GLI2: variants seen among roughly 807,000 people sequenced by gnomAD.
GLI2 encodes transcription activator GLI2.
A neutral mutation model predicts 78.9 loss-of-function variants in GLI2; 22 were observed. The ratio of observed to expected loss-of-function variants is 0.28; its 90% CI spans 0.20 to 0.40. The LOEUF (loss-of-function observed/expected upper bound fraction) is 0.40, where lower values mean the gene tolerates loss of function less well. Ranked by LOEUF, GLI2 falls within the 10% of genes least tolerant of loss-of-function variation. The pLI is 1.00. For synonymous variants in GLI2, 974 were observed against 963.7 expected (o/e 1.01, Z -0.20); for missense variants, 2,097 against 2,213.2 (o/e 0.95, Z 1.05).
At chr2:120,968,579 C>A in intron 5 of GLI2, 135 bp from the exon 6 acceptor site, 1 of 735,442 alleles carries the variant, frequency 1.4e-6, no homozygotes, top group Non-Finnish European at 2.4e-6. Flanking sequence ...CGCCCAAGAG[C>A]CCACAGCTGG....
At chr2:120,858,979 G>A (rs527954122) in intron 2 of GLI2, among the ~76,000 whole-genome samples, 1 of 152,324 alleles carries the variant, frequency 6.6e-6, no homozygotes, top group South Asian at 2.1e-4. Flanking sequence ...TGCCCTGGCT[G>A]TGCCTCTGCC....
intron 1 of GLI2, among the ~76,000 whole-genome samples, chr2:120,770,897 C>T (rs1040232732): frequency 6.6e-6 from 1 of 152,214 alleles, no homozygotes; most frequent in Non-Finnish European, 1.5e-5. Flanking sequence ...CCCACCACAC[C>T]GTCCACGCCC....
chr2:120,989,828 C>T lies in GLI2; in HGVS notation c.3863C>T (p.Pro1288Leu). ...AATCGCCACAGGGAACTTGGGGTCC[C>T]CGATTCAGCCCTGGCTGGAGTGCCA... Reference protein sequence around the residue: ...MGNRHRELGVPDSALAGVPPP... With the variant: ...MGNRHRELGVLDSALAGVPPP... The change falls in exon 14 of 14, where the codon CCC becomes CTC. Residue 1288 changes from proline (P) to leucine (L), a missense_variant. By Grantham distance (98) the Pro-to-Leu change is moderately conservative. Transcript: ENST00000361492. 2.5e-6 allele frequency: 4 copies of T among 1,611,930 alleles called. No individual in the cohort carries two copies. Among genetic ancestry groups the T allele is most frequent in the Non-Finnish European group, 3.4e-6 (4 of 1,179,192 alleles).
intron 2 of GLI2, among the ~76,000 whole-genome samples, chr2:120,920,236 G>A (rs374964004): frequency 2.6e-5 from 4 of 152,242 alleles, no homozygotes; most frequent in African/African-American, 7.2e-5. Context: ...CCTCTCTGCC[G>A]TGGAACAGGC....
chr2:120,742,839 A>G (rs772056973), intron 1 of GLI2, among the ~76,000 whole-genome samples: 3 of 152,230 alleles, frequency 2.0e-5, no homozygotes, highest in Admixed American at 6.5e-5. Flanking sequence ...TCATGAATTA[A>G]TGTTATGCAA....
intron 2 of GLI2, among the ~76,000 whole-genome samples, chr2:120,898,349 A>G (rs548112627): frequency 6.6e-6 from 1 of 152,372 alleles, no homozygotes; most frequent in African/African-American, 2.4e-5. Context: ...GAAAATAAAT[A>G]TCTAAATAAA....
intron 2 of GLI2, among the ~76,000 whole-genome samples, chr2:120,801,716 C>T (rs1007923563): frequency 7.9e-5 from 12 of 152,122 alleles, no homozygotes; most frequent in Admixed American, 6.5e-5. Flanking sequence ...AGGCCCCAGC[C>T]GGAAAGCTCG....
chr2:120,877,496 C>T (rs1357546398), intron 2 of GLI2, among the ~76,000 whole-genome samples: 3 of 152,148 alleles, frequency 2.0e-5, no homozygotes, highest in Non-Finnish European at 2.9e-5. Flanking sequence ...GACCATGAGC[C>T]GAAGCCCCCC....
intron 9 of GLI2, among the ~76,000 whole-genome samples, chr2:120,976,118 C>T (rs553863293): frequency 3.9e-4 from 60 of 152,312 alleles, no homozygotes; most frequent in Non-Finnish European, 8.4e-4. Flanking sequence ...GAGTGAGTGT[C>T]TATAAAGATG....
intron 2 of GLI2, among the ~76,000 whole-genome samples, chr2:120,852,836 C>T (rs1040112476): frequency 3.3e-5 from 5 of 152,174 alleles, no homozygotes; most frequent in African/African-American, 9.7e-5. Context: ...AGCCAGCACT[C>T]GCTGTGCCCA....
intron 3 of GLI2, among the ~76,000 whole-genome samples, chr2:120,948,171 C>T (rs1451486027): frequency 2.0e-5 from 3 of 152,328 alleles, no homozygotes; most frequent in South Asian, 2.1e-4. Context: ...TCTCACTGGC[C>T]GCACAGCATG....
chr2:120,883,023 A>G (rs1677228233), intron 2 of GLI2, among the ~76,000 whole-genome samples: 2 of 151,936 alleles, frequency 1.3e-5, no homozygotes, highest in African/African-American at 2.4e-5. Context: ...GGCACACTCT[A>G]TTATGTTTCC....
chr2:120,757,776 C>T (rs574191697), intron 1 of GLI2, among the ~76,000 whole-genome samples: 5 of 152,358 alleles, frequency 3.3e-5, no homozygotes, highest in African/African-American at 9.6e-5. Context: ...CTGGTTACCC[C>T]TCCCTGTGCC....
rs563146670 is a variant in GLI2 at position 120,754,264 on chromosome 2, G to C, written c.-31+17979G>C. 3.9e-5 allele frequency among the ~76,000 whole-genome samples: 6 copies of C among 152,210 alleles called. No individual in the cohort carries two copies. In the South Asian group the frequency reaches 1.2e-3, roughly 32 times the overall value. ...AACAGGGAGTGTTATCAAACTTGTC[G>C]ATCCTTGCCAATCTGATAGTTGGAA... On this transcript the variant is annotated intron_variant, in intron 1 of 13. Coordinates refer to ENST00000361492, the MANE Select transcript of GLI2 (RefSeq NM_001374353.1).
intron 2 of GLI2, among the ~76,000 whole-genome samples, chr2:120,798,566 T>C (rs971141279): frequency 2.6e-5 from 4 of 152,198 alleles, no homozygotes; most frequent in Non-Finnish European, 4.4e-5. Flanking sequence ...ATTATTGGGA[T>C]GTGTGGCTCA....
At chr2:120,806,733 C>G (rs1684971961) in intron 2 of GLI2, among the ~76,000 whole-genome samples, 2 of 152,168 alleles carry the variant, frequency 1.3e-5, no homozygotes, top group Admixed American at 1.3e-4. Flanking sequence ...AGGCCGAGGT[C>G]CCGGAGGCTC....
chr2:120,752,269 ATT>A lies in GLI2; in HGVS notation c.-31+16002_-31+16003del, dbSNP rs192674460. 3.1e-3 allele frequency among the ~76,000 whole-genome samples: 401 copies of A among 129,924 alleles called. 2 individuals are homozygous for A. Among genetic ancestry groups the A allele is most frequent in the African/African-American group, 0.011 (368 of 33,890 alleles). 85.2% of individuals were successfully genotyped at this position (129,924 alleles called of 152,430 possible). ...TCACTTTATTTCTCACCTATCTTTA[ATT>A]TTTTTTTTTTTTTTTTTGAGACGGA... On this transcript the variant is annotated intron_variant, in intron 1 of 13. Transcript: ENST00000361492.
At chr2:120,804,484 GC>G (rs1004111085) in intron 2 of GLI2, among the ~76,000 whole-genome samples, 1 of 152,176 alleles carries the variant, frequency 6.6e-6, no homozygotes, top group Non-Finnish European at 1.5e-5. Context: ...GTGGTCTTTG[GC>G]CCCCCTGCCA....
chr2:120,980,669 C>T (rs1429601705), intron 10 of GLI2, among the ~76,000 whole-genome samples: 6 of 152,068 alleles, frequency 3.9e-5, no homozygotes, highest in Admixed American at 1.3e-4. Context: ...GTGCTTTTAG[C>T]GTCATAGCTA....
Sources: gnomAD v4.1 joint callset for allele counts (sites outside exome capture counted in the v4.1 genomes callset) on GRCh38, gnomAD v4.1.1 for gene constraint, MANE v1.5 for transcripts, NCBI Gene and HGNC (gene_info 2026-07-23, HGNC 2026-07-21) for gene names.